Variants in ZNF761 observed in about 807,000 individuals in gnomAD.
ZNF761 encodes zinc finger protein 761.
Under a neutral mutation model 59.9 loss-of-function variants are expected in ZNF761, and 43 were observed. That is an observed-to-expected ratio of 0.72 (90% CI 0.56 to 0.92). The LOEUF (loss-of-function observed/expected upper bound fraction) is 0.92, where lower values mean the gene tolerates loss of function less well. Ranked by LOEUF, ZNF761 falls within the 40% of genes least tolerant of loss-of-function variation. ZNF761 has a pLI of 0.00. For synonymous variants in ZNF761, 294 were observed against 304.8 expected (o/e 0.96, Z 0.37); for missense variants, 850 against 906.1 (o/e 0.94, Z 0.79).
intron 1 of ZNF761, among the ~76,000 whole-genome samples, chr19:53,432,541 G>A (rs866321108): frequency 6.6e-6 from 1 of 152,136 alleles, no homozygotes; most frequent in Non-Finnish European, 1.5e-5. Context: ...CCCGCGTTGG[G>A]GAGGTGCCCG....
At chr19:53,433,902 T>C (rs1257794806) in intron 1 of ZNF761, among the ~76,000 whole-genome samples, 5 of 152,216 alleles carry the variant, frequency 3.3e-5, no homozygotes, top group African/African-American at 1.2e-4. Flanking sequence ...GGGCTAATTT[T>C]TTCATTCTTA....
rs546461067 is a variant in ZNF761, at chr19:53,456,925, A to C, written c.*177A>C. The stretch of plus-strand genomic sequence containing the variant: ...AGCTTATAAATGTGAAGAATGTCAC[A>C]AAGTTTACAGTCGCACATCAAACCG... On this transcript the variant is annotated 3_prime_UTR_variant, in exon 5 of 5. Coordinates refer to ENST00000684525, the MANE Select transcript of ZNF761 (RefSeq NM_001289951.2). 2 of 813,274 alleles carry C rather than the reference A, an allele frequency of 2.5e-6. No individual in the cohort carries two copies. Among genetic ancestry groups the C allele is most frequent in the East Asian group, 5.1e-5 (2 of 38,970 alleles). 50.4% of individuals were successfully genotyped at this position (813,274 alleles called of 1,614,324 possible). A position where few individuals can be genotyped will look rare whatever the true frequency, so the allele number is the denominator to read the frequency against.
intron 1 of ZNF761, chr19:53,445,177 T>C (rs557877817): frequency 1.3e-5 from 2 of 152,092 alleles, no homozygotes; most frequent in African/African-American, 2.4e-5. Flanking sequence ...AAAATTTGCT[T>C]ATGTCTTAGT....
At chr19:53,438,371 G>T (rs1002245931) in intron 1 of ZNF761, among the ~76,000 whole-genome samples, 1 of 151,898 alleles carries the variant, frequency 6.6e-6, no homozygotes. Flanking sequence ...TAACACCATG[G>T]AGTCTAGTTG....
chr19:53,447,148 G>A (rs1395010953), intron 2 of ZNF761, 48 bp from the exon 3 acceptor site: 11 of 1,293,164 alleles, frequency 8.5e-6, no homozygotes, highest in Middle Eastern at 3.8e-4. Flanking sequence ...GTTCCACGGA[G>A]GTGGCGTGTT....
At chr19:53,432,461 T>C (rs1280268478) in intron 1 of ZNF761, among the ~76,000 whole-genome samples, 1 of 152,086 alleles carries the variant, frequency 6.6e-6, no homozygotes, top group Non-Finnish European at 1.5e-5. Context: ...TGTCGCCCCT[T>C]CACCTCCCTC....
chr19:53,451,241 G>A (rs549424738), intron 4 of ZNF761, among the ~76,000 whole-genome samples: 1 of 152,200 alleles, frequency 6.6e-6, no homozygotes, highest in Admixed American at 6.5e-5. Context: ...ATGAAGTTTT[G>A]TTCTTGTCGC....
rs200026914 is a variant in ZNF761, at chr19:53,433,084, CA to C, written c.-185+1059del. ...GGAAGAGAGAATTTAACGGGGAGAG[CA>C]AAGGAGGCGCAGAGATGGTGTTGCG... On this transcript the variant is annotated intron_variant, in intron 1 of 4. Coordinates refer to ENST00000684525, the MANE Select transcript of ZNF761 (RefSeq NM_001289951.2). Among the ~76,000 whole-genome samples the C allele has an allele frequency of 8.1e-3, 1,210 of 150,016 alleles. 13 individuals are homozygous for C. The highest frequency in any genetic ancestry group is 0.027 in the African/African-American group (1,063 of 40,110).
At chr19:53,452,511 A>G (rs2086230442) in intron 4 of ZNF761, among the ~76,000 whole-genome samples, 1 of 152,004 alleles carries the variant, frequency 6.6e-6, no homozygotes, top group South Asian at 2.1e-4. Flanking sequence ...AGGCAGGAGA[A>G]TCATGCCACT....
intron 4 of ZNF761, among the ~76,000 whole-genome samples, chr19:53,451,421 C>A (rs2086220512): frequency 1.3e-5 from 2 of 152,088 alleles, no homozygotes; most frequent in Non-Finnish European, 2.9e-5. Flanking sequence ...TTTGGTTAGG[C>A]AGGTCAGAAA....
Position 53,456,835 on chromosome 19 carries a change from C to G in ZNF761, c.*87C>G, listed in dbSNP as rs764863854. 1.7e-4 allele frequency: 249 copies of G among 1,444,080 alleles called. No homozygotes were observed. The highest frequency in any genetic ancestry group is 2.2e-4 in the Non-Finnish European group (228 of 1,042,104). 89.5% of individuals were successfully genotyped at this position (1,444,080 alleles called of 1,614,324 possible). On this transcript the variant is annotated 3_prime_UTR_variant, in exon 5 of 5. Coordinates refer to ENST00000684525, the MANE Select transcript of ZNF761 (RefSeq NM_001289951.2). Reference sequence around the variant, plus strand: ...GGGGAGAAACCTTAGAAATGTGAAGCATGTGATAAAGTTTACAGTGGCAAA... The same window carrying G: ...GGGGAGAAACCTTAGAAATGTGAAGGATGTGATAAAGTTTACAGTGGCAAA...
Position 53,447,211 on chromosome 19 carries a change from ACT to A in ZNF761, c.-55_-54del. On this transcript the variant is annotated 5_prime_UTR_variant, in exon 3 of 5. Transcript: ENST00000684525. The stretch of plus-strand genomic sequence containing the variant: ...TAACATTCAGGATTGACTTCTAAAG[ACT>A]CTTGGTACGTGAGGAAGAAACCCGG... 2 of 1,598,496 alleles carry A rather than the reference ACT, an allele frequency of 1.3e-6. No homozygotes were observed. Among genetic ancestry groups the A allele is most frequent in the East Asian group, 2.2e-5 (1 of 44,768 alleles).
At chr19:53,433,107 T>A (rs2085993379) in intron 1 of ZNF761, among the ~76,000 whole-genome samples, 1 of 150,766 alleles carries the variant, frequency 6.6e-6, no homozygotes, top group Non-Finnish European at 1.5e-5. Context: ...GAGATGGTGT[T>A]GCGGGAAACT....
intron 1 of ZNF761, among the ~76,000 whole-genome samples, chr19:53,435,196 G>C (rs2086025689): frequency 6.6e-6 from 1 of 150,888 alleles, no homozygotes; most frequent in South Asian, 2.1e-4. Flanking sequence ...TATTCACCAG[G>C]TGAAATCTTG....
At chr19:53,436,354 T>G (rs1157561582) in intron 1 of ZNF761, among the ~76,000 whole-genome samples, 1 of 152,388 alleles carries the variant, frequency 6.6e-6, no homozygotes, top group South Asian at 2.1e-4. Context: ...ACTTCTTGCA[T>G]GGCTGTTCTT....
intron 4 of ZNF761, among the ~76,000 whole-genome samples, chr19:53,452,711 T>C (rs1282256546): frequency 6.6e-6 from 1 of 152,240 alleles, no homozygotes; most frequent in African/African-American, 2.4e-5. Context: ...CCCAGCCATC[T>C]TCCTGCCGTG....
intron 1 of ZNF761, among the ~76,000 whole-genome samples, chr19:53,445,582 G>A (rs1026862726): frequency 6.6e-6 from 1 of 152,126 alleles, no homozygotes; most frequent in African/African-American, 2.4e-5. Context: ...CCCCTGAAAT[G>A]ATCGGCAAAA....
chr19:53,440,560 C>T (rs919802305), intron 1 of ZNF761, among the ~76,000 whole-genome samples: 7 of 152,130 alleles, frequency 4.6e-5, no homozygotes, highest in African/African-American at 1.7e-4. Context: ...AGCCAGAGGG[C>T]AGTGACTTAT....
At chr19:53,447,159 G>A in intron 2 of ZNF761, 37 bp from the exon 3 acceptor site, 1 of 1,419,116 alleles carries the variant, frequency 7.0e-7, no homozygotes, top group Non-Finnish European at 9.7e-7. Context: ...GTGGCGTGTT[G>A]ATTCTGAGCA....
Sources: allele counts gnomAD v4.1 joint callset (sites outside exome capture counted in the v4.1 genomes callset), GRCh38; gene constraint gnomAD v4.1.1; transcripts MANE v1.5; gene names NCBI Gene and HGNC (gene_info 2026-07-23, HGNC 2026-07-21).